The following MARCHF1 variants were observed in gnomAD, a reference collection of about 807,000 sequenced individuals.
MARCHF1 encodes the protein E3 ubiquitin-protein ligase MARCHF1.
MARCHF1 carries 40 observed loss-of-function variants against 54.2 expected under a neutral mutation model. The observed-to-expected ratio is 0.74, with a 90% CI of 0.57 to 0.96. MARCHF1 has a LOEUF of 0.96. Ranked by LOEUF, MARCHF1 falls within the 40% of genes least tolerant of loss-of-function variation. The pLI, the probability that MARCHF1 is intolerant of heterozygous loss-of-function variation, is 0.00. For synonymous variants in MARCHF1, 236 were observed against 236.3 expected, an observed-to-expected ratio of 1.00 and a Z score of 0.01; for missense variants, 586 against 656.5, an observed-to-expected ratio of 0.89 and a Z score of 1.17.
intron 1 of MARCHF1, among the ~76,000 whole-genome samples, chr4:164,127,052 T>TCAAAACAAAACAAACAAAACAAAA (rs1756199057): frequency 6.6e-6 from 1 of 150,466 alleles, no homozygotes; most frequent in Non-Finnish European, 1.5e-5. Flanking sequence ...AAACTCCGTC[T>TCAAAACAAAACAAACAAAACAAAA]CAAAACAAAA....
intron 7 of MARCHF1, among the ~76,000 whole-genome samples, chr4:163,587,453 C>G (rs1462158343): frequency 2.0e-5 from 3 of 152,166 alleles, no homozygotes; most frequent in African/African-American, 7.2e-5. Context: ...AGAATGAAAT[C>G]ATGTCTCTTG....
At chr4:164,322,580 G>A (rs1257017203) in intron 1 of MARCHF1, among the ~76,000 whole-genome samples, 1 of 151,968 alleles carries the variant, frequency 6.6e-6, no homozygotes, top group Non-Finnish European at 1.5e-5. Context: ...TAACTGAATT[G>A]TTTGTAACTC....
At chr4:163,716,127 AG>A (rs917094911) in intron 4 of MARCHF1, among the ~76,000 whole-genome samples, 1 of 152,198 alleles carries the variant, frequency 6.6e-6, no homozygotes, top group African/African-American at 2.4e-5. Context: ...TCCTAATGGA[AG>A]AACAAAATTG....
At chr4:163,931,785 A>T (rs907622130) in intron 3 of MARCHF1, among the ~76,000 whole-genome samples, 2 of 152,210 alleles carry the variant, frequency 1.3e-5, no homozygotes, top group East Asian at 3.9e-4. Context: ...CCAAGAAGAC[A>T]CACTTGCAAA....
chr4:163,965,261 G>A (rs1420099211), intron 3 of MARCHF1, among the ~76,000 whole-genome samples: 1 of 151,844 alleles, frequency 6.6e-6, no homozygotes, highest in Non-Finnish European at 1.5e-5. Flanking sequence ...TCAAACGTGG[G>A]AAGGATCTCT....
intron 1 of MARCHF1, among the ~76,000 whole-genome samples, chr4:164,290,950 T>A (rs1350274187): frequency 6.6e-6 from 1 of 151,944 alleles, no homozygotes; most frequent in Non-Finnish European, 1.5e-5. Context: ...TAAAATCTTT[T>A]AATTTTTTAA....
intron 2 of MARCHF1, among the ~76,000 whole-genome samples, chr4:164,015,400 A>G (rs1175925000): frequency 2.0e-5 from 3 of 152,182 alleles, no homozygotes; most frequent in African/African-American, 7.2e-5. Context: ...GTGGGCAAAC[A>G]TTTGTTGAGT....
chr4:164,241,942 C>T (rs1409264032), intron 1 of MARCHF1, among the ~76,000 whole-genome samples: 6 of 152,328 alleles, frequency 3.9e-5, no homozygotes, highest in South Asian at 2.1e-4. Flanking sequence ...CGGTGCACCA[C>T]GAGATTATAT....
intron 8 of MARCHF1, among the ~76,000 whole-genome samples, chr4:163,557,395 CAAAG>C (rs910797284): frequency 6.6e-6 from 1 of 152,166 alleles, no homozygotes; most frequent in African/African-American, 2.4e-5. Context: ...TGGTTTGAAC[CAAAG>C]AAAGCTTCAG....
chr4:163,989,285 TTG>T (rs1491109147), intron 2 of MARCHF1, among the ~76,000 whole-genome samples: 2,652 of 93,678 alleles, frequency 0.028, 73 homozygotes, highest in African/African-American at 0.083. Context: ...GAATGAGGTG[TTG>T]AGAGAGAGAG....
chr4:163,992,664 T>A (rs948757941), intron 2 of MARCHF1, among the ~76,000 whole-genome samples: 35 of 150,870 alleles, frequency 2.3e-4, no homozygotes, highest in African/African-American at 8.5e-4. Context: ...GGATCACCAC[T>A]TGAAAGGAGA....
chr4:164,011,191 C>T (rs1753412595), intron 2 of MARCHF1, among the ~76,000 whole-genome samples: 2 of 152,050 alleles, frequency 1.3e-5, no homozygotes, highest in Non-Finnish European at 2.9e-5. Context: ...GGAACAGACT[C>T]CTGGACATTG....
intron 1 of MARCHF1, among the ~76,000 whole-genome samples, chr4:164,271,648 G>A (rs1156737253): frequency 2.0e-5 from 3 of 152,136 alleles, no homozygotes; most frequent in Non-Finnish European, 4.4e-5. Context: ...TTATCCATAT[G>A]AGGCAAATTA....
intron 3 of MARCHF1, among the ~76,000 whole-genome samples, chr4:163,962,939 G>C (rs940674583): frequency 5.3e-5 from 8 of 151,836 alleles, no homozygotes; most frequent in African/African-American, 1.9e-4. Flanking sequence ...CTGAACAACA[G>C]AGCCTGTATA....
chr4:163,590,427 C>T (rs1740553330), intron 7 of MARCHF1, among the ~76,000 whole-genome samples: 1 of 152,054 alleles, frequency 6.6e-6, no homozygotes, highest in Non-Finnish European at 1.5e-5. Flanking sequence ...TTCATCCCCA[C>T]AGCAATTTCT....
At chr4:164,202,443 G>A (rs1731480824) in intron 1 of MARCHF1, among the ~76,000 whole-genome samples, 1 of 152,096 alleles carries the variant, frequency 6.6e-6, no homozygotes, top group Non-Finnish European at 1.5e-5. Context: ...ATGTTGGTAA[G>A]GAAATAAAAC....
At chr4:163,896,048 C>T (rs1417033871) in intron 3 of MARCHF1, among the ~76,000 whole-genome samples, 1 of 152,144 alleles carries the variant, frequency 6.6e-6, no homozygotes, top group Non-Finnish European at 1.5e-5. Flanking sequence ...TATTCTAAAA[C>T]CAATAATAAA....
intron 3 of MARCHF1, among the ~76,000 whole-genome samples, chr4:163,948,061 A>G (rs1157318220): frequency 2.0e-5 from 3 of 152,182 alleles, no homozygotes; most frequent in Admixed American, 1.3e-4. Context: ...CTTCTCACCA[A>G]TCTATCTTGT....
chr4:163,980,742 G>A (rs1752745474), intron 3 of MARCHF1, among the ~76,000 whole-genome samples: 1 of 152,094 alleles, frequency 6.6e-6, no homozygotes, highest in African/African-American at 2.4e-5. Context: ...CATAGTAAAT[G>A]GTAATATAGA....
Sources: allele counts gnomAD v4.1 joint callset (sites outside exome capture counted in the v4.1 genomes callset), GRCh38; gene constraint gnomAD v4.1.1; transcripts MANE v1.5; gene names NCBI Gene and HGNC (gene_info 2026-07-23, HGNC 2026-07-21).